Variants in XYLB observed in about 807,000 individuals in gnomAD.
XYLB encodes xylulokinase.
XYLB carries 62 observed loss-of-function variants against 78.7 expected under a neutral mutation model. That is an observed-to-expected ratio of 0.79 (90% CI 0.64 to 0.97). The LOEUF is 0.97. XYLB is among the 50% of genes least tolerant of loss of function. XYLB has a pLI of 0.00. For synonymous variants in XYLB, 245 were observed against 247.4 expected, an observed-to-expected ratio of 0.99 and a Z score of 0.09; for missense variants, 687 against 676.8, an observed-to-expected ratio of 1.02 and a Z score of -0.17.
At chr3:38,365,119 G>T in intron 4 of XYLB, 80 bp from the exon 5 acceptor site, 1 of 1,322,746 alleles carries the variant, frequency 7.6e-7, no homozygotes, top group South Asian at 1.2e-5. Context: ...TTGGCATGTG[G>T]TCTGGGGTCT....
chr3:38,397,238 G>C (rs1707911763), intron 17 of XYLB, 79 bp downstream of exon 17: 4 of 1,336,892 alleles, frequency 3.0e-6, no homozygotes, highest in Non-Finnish European at 4.3e-6. Context: ...AAAGGGGAGA[G>C]TGAGGTGTAC....
At chr3:38,401,689 G>C (rs7433707) in intron 18 of XYLB, among the ~76,000 whole-genome samples, 64,196 of 152,034 alleles carry the variant, frequency 0.42, 15,780 homozygotes, top group Non-Finnish European at 0.56. Flanking sequence ...CCCCAGGATG[G>C]GGTGAGGCAG....
At chr3:38,365,412 C>T in intron 5 of XYLB, 127 bp downstream of exon 5, 1 of 1,366,264 alleles carries the variant, frequency 7.3e-7, no homozygotes, top group Non-Finnish European at 1.0e-6. Context: ...AGCTTTCAAC[C>T]TCAGGCTTTT....
rs528329308 is a variant in XYLB at position 38,414,638 on chromosome 3, G to A, written c.*1625G>A. On this transcript the variant is annotated 3_prime_UTR_variant, in exon 19 of 19. Coordinates refer to ENST00000207870, the MANE Select transcript of XYLB (RefSeq NM_005108.4). ...AAAAAGCTACAAGCATATATGAGAA[G>A]AGAACTGACTGAACTTGGGAAATAA... 4.6e-5 allele frequency: 7 copies of A among 152,132 alleles called. No homozygotes were observed. The highest frequency in any genetic ancestry group is 1.0e-4 in the Non-Finnish European group (7 of 68,012). The allele number at this position is 152,132 out of a possible 1,614,324, so 9.4% of individuals were successfully genotyped here.
intron 15 of XYLB, among the ~76,000 whole-genome samples, chr3:38,390,596 C>T (rs952493649): frequency 1.3e-5 from 2 of 152,186 alleles, no homozygotes; most frequent in African/African-American, 4.8e-5. Context: ...GATCACGGCT[C>T]ATTGCAGCCT....
At chr3:38,409,645 C>G (rs944794144) in intron 18 of XYLB, among the ~76,000 whole-genome samples, 1 of 152,176 alleles carries the variant, frequency 6.6e-6, no homozygotes, top group Admixed American at 6.5e-5. Context: ...ACCCCATTTT[C>G]TCAGCACAAA....
At chr3:38,347,536 C>G (rs574894349) in intron 1 of XYLB, among the ~76,000 whole-genome samples, 2 of 152,198 alleles carry the variant, frequency 1.3e-5, no homozygotes, top group East Asian at 3.9e-4. Context: ...AAAAATTAGC[C>G]GGGCATGGTG....
At chr3:38,403,117 CAA>C (rs1234082862) in intron 18 of XYLB, among the ~76,000 whole-genome samples, 1 of 151,520 alleles carries the variant, frequency 6.6e-6, no homozygotes, top group Non-Finnish European at 1.5e-5. Context: ...GGCAGCATGG[CAA>C]AAACCGTGTC....
chr3:38,365,391 C>G, intron 5 of XYLB, 106 bp downstream of exon 5: 1 of 1,398,422 alleles, frequency 7.2e-7, no homozygotes, highest in Non-Finnish European at 9.9e-7. Context: ...CTCACGCGCC[C>G]TCACCAGAAG....
chr3:38,417,897 A>AG (rs1553666330), downstream of XYLB, among the ~76,000 whole-genome samples: 1 of 150,230 alleles, frequency 6.7e-6, no homozygotes, highest in Non-Finnish European at 1.5e-5. Context: ...AAAAAAAAAA[A>AG]GTATATATAT....
intron 18 of XYLB, among the ~76,000 whole-genome samples, chr3:38,409,966 A>G (rs1437151909): frequency 6.1e-4 from 93 of 152,324 alleles, no homozygotes; most frequent in East Asian, 3.9e-4. Flanking sequence ...GCCCAAGGTA[A>G]TTTATAGATT....
the XYLB span, among the ~76,000 whole-genome samples, chr3:38,446,066 T>C: frequency 2.0e-5 from 3 of 152,166 alleles, no homozygotes; most frequent in African/African-American, 4.8e-5. Flanking sequence ...GCAAGATTTA[T>C]TGTGAAGAGT....
the XYLB span, among the ~76,000 whole-genome samples, chr3:38,445,272 G>T: frequency 2.0e-5 from 3 of 152,132 alleles, no homozygotes; most frequent in Non-Finnish European, 4.4e-5. Flanking sequence ...AGGCCTGCTT[G>T]TCTGAGGAGG....
At chr3:38,362,433 T>G (rs1162826686) in intron 3 of XYLB, among the ~76,000 whole-genome samples, 1 of 152,202 alleles carries the variant, frequency 6.6e-6, no homozygotes, top group Non-Finnish European at 1.5e-5. Context: ...AGATGGGATC[T>G]CATTATGTTG....
chr3:38,370,238 G>GTGCACACACACACA (rs1440382804), intron 9 of XYLB, 64 bp downstream of exon 9: 9 of 326,688 alleles, frequency 2.8e-5, no homozygotes, highest in Non-Finnish European at 3.3e-5. Context: ...AAGCACTGTA[G>GTGCACACACACACA]CGCACACACA....
downstream of XYLB, among the ~76,000 whole-genome samples, chr3:38,417,537 AC>A (rs1400121803): frequency 6.6e-6 from 1 of 152,040 alleles, no homozygotes; most frequent in Non-Finnish European, 1.5e-5. Context: ...ATGTTAAAAG[AC>A]CCTGGACCCC....
rs1292918671 is a variant in XYLB at position 38,414,933 on chromosome 3, A to C, written c.*1920A>C. ...GACAGTGGCATAGAGTTAATATTTAAAATTCAAATATTAAAACTCAAATAA... is the reference window on the plus strand; with the variant it reads ...GACAGTGGCATAGAGTTAATATTTACAATTCAAATATTAAAACTCAAATAA... On this transcript the variant is annotated 3_prime_UTR_variant, in exon 19 of 19. Transcript: ENST00000207870. The C allele has an allele frequency of 6.6e-6, 1 of 152,210 alleles. No homozygotes were observed. The highest frequency in any genetic ancestry group is 2.4e-5 in the African/African-American group (1 of 41,448). The allele number at this position is 152,210 out of a possible 1,614,324, so 9.4% of individuals were successfully genotyped here. A position where few individuals can be genotyped will look rare whatever the true frequency, so the allele number is the denominator to read the frequency against.
the XYLB span, among the ~76,000 whole-genome samples, chr3:38,433,606 C>T: frequency 8.3e-4 from 126 of 152,296 alleles, no homozygotes; most frequent in African/African-American, 2.9e-3. Flanking sequence ...AGGGCAAGGG[C>T]AAAATGCTGC....
intron 15 of XYLB, among the ~76,000 whole-genome samples, chr3:38,384,047 G>T (rs1466172129): frequency 1.3e-5 from 2 of 151,892 alleles, no homozygotes; most frequent in Non-Finnish European, 2.9e-5. Flanking sequence ...TTTTTTGTTT[G>T]TTTGTTTTCT....
Sources: allele counts gnomAD v4.1 joint callset (sites outside exome capture counted in the v4.1 genomes callset), GRCh38; gene constraint gnomAD v4.1.1; transcripts MANE v1.5; gene names NCBI Gene and HGNC (gene_info 2026-07-23, HGNC 2026-07-21).